The following ADH4 variants were observed in gnomAD, a reference collection of about 807,000 sequenced individuals.
ADH4 encodes all-trans-retinol dehydrogenase [NAD(+)] ADH4.
Under a neutral mutation model 35.2 loss-of-function variants are expected in ADH4, and 31 were observed. The observed-to-expected ratio is 0.88, with a 90% CI of 0.66 to 1.19. The LOEUF is 1.19. ADH4 is among the 50% of genes most tolerant of loss of function. The pLI is 0.00. For synonymous variants in ADH4, 171 were observed against 160.2 expected, an observed-to-expected ratio of 1.07 and a Z score of -0.51; for missense variants, 476 against 458.3, an observed-to-expected ratio of 1.04 and a Z score of -0.35.
At chr4:99,138,906 T>C (rs573335292) in intron 4 of ADH4, among the ~76,000 whole-genome samples, 155 bp downstream of exon 4, 32 of 152,338 alleles carry the variant, frequency 2.1e-4, no homozygotes, top group African/African-American at 7.7e-4. Context: ...CACATGTTTC[T>C]TTGTGTGCAC....
intron 2 of ADH4, 113 bp downstream of exon 2, chr4:99,142,566 C>G: frequency 2.0e-6 from 1 of 488,932 alleles, no homozygotes; most frequent in Non-Finnish European, 3.5e-6. Flanking sequence ...TACAGCTTCC[C>G]TGTACTAGAA....
At chr4:99,130,496 T>C (rs1729238871) in intron 6 of ADH4, among the ~76,000 whole-genome samples, 1 of 152,194 alleles carries the variant, frequency 6.6e-6, no homozygotes, top group Admixed American at 6.6e-5. Flanking sequence ...AGAAACTTTC[T>C]ATAGAAGCTT....
At position 99,141,567 on chromosome 4, in the gene ADH4, CCAATACTTTCCA is replaced by C; in HGVS notation, c.224_235del (p.Val75_Ile78del). On this transcript the variant is annotated inframe_deletion, in exon 3 of 9. Coordinates refer to ENST00000265512, the MANE Select transcript of ADH4 (RefSeq NM_000670.5). ...TGGTTTGACGTTGGTCACTCCTGGC[CCAATACTTTCCA>C]CAATACCTGCAGCCTCATGGCCAAC... The C allele has an allele frequency of 1.2e-6, 2 of 1,613,982 alleles. No individual in the cohort carries two copies. Among genetic ancestry groups the C allele is most frequent in the African/African-American group, 1.3e-5 (1 of 75,020 alleles).
intron 4 of ADH4, among the ~76,000 whole-genome samples, chr4:99,138,467 C>T (rs551009015): frequency 2.6e-5 from 4 of 152,192 alleles, no homozygotes; most frequent in Non-Finnish European, 4.4e-5. Flanking sequence ...GCCATACTGC[C>T]GGGGTTAAAA....
At chr4:99,128,830 C>T (rs1177682805) in intron 6 of ADH4, among the ~76,000 whole-genome samples, 1 of 151,240 alleles carries the variant, frequency 6.6e-6, no homozygotes, top group African/African-American at 2.4e-5. Context: ...GAGGCAGTCT[C>T]ACTCTGTTGC....
intron 8 of ADH4, among the ~76,000 whole-genome samples, chr4:99,124,969 C>G (rs1038281944): frequency 6.6e-6 from 1 of 152,184 alleles, no homozygotes; most frequent in Admixed American, 6.5e-5. Flanking sequence ...TCAAACATTA[C>G]TGCTGGAACT....
intron 5 of ADH4, among the ~76,000 whole-genome samples, chr4:99,134,913 G>A (rs1729390041): frequency 6.6e-6 from 1 of 150,996 alleles, no homozygotes; most frequent in South Asian, 2.1e-4. Context: ...TGATAAGAAG[G>A]ACTTTCTGGA....
At chr4:99,142,820 G>C (rs1579406854) in intron 1 of ADH4, 40 bp from the exon 2 acceptor site, 4 of 1,506,304 alleles carry the variant, frequency 2.7e-6, no homozygotes, top group Non-Finnish European at 3.6e-6. Flanking sequence ...GATAGAGATA[G>C]AGATTTTGAC....
chr4:99,133,535 C>T (rs921279316), intron 5 of ADH4: 1 of 152,188 alleles, frequency 6.6e-6, no homozygotes, highest in Non-Finnish European at 1.5e-5. Context: ...ACTTCACTTT[C>T]CTTAATTTCT....
intron 4 of ADH4, 77 bp from the exon 5 acceptor site, chr4:99,136,774 A>G (rs1729448589): frequency 5.4e-6 from 5 of 919,036 alleles, no homozygotes; most frequent in Admixed American, 2.5e-5. Flanking sequence ...TTCCTACAAA[A>G]TATGTTGAGC....
intron 8 of ADH4, among the ~76,000 whole-genome samples, chr4:99,125,148 C>G (rs575271117): frequency 1.3e-5 from 2 of 152,204 alleles, no homozygotes; most frequent in Admixed American, 6.5e-5. Flanking sequence ...CCCCATCCCC[C>G]CACTTCCTTG....
Position 99,127,343 on chromosome 4 carries a change from T to C in ADH4, c.845A>G (p.Lys282Arg). The C allele has an allele frequency of 6.3e-7, 1 of 1,588,480 alleles. No individual in the cohort carries two copies. Among genetic ancestry groups the C allele is most frequent in the Non-Finnish European group, 8.6e-7 (1 of 1,169,162 alleles). Reference sequence around the variant, plus strand: ...TGCGGTTGTACAGTCCAGGGCTGCTTTCTGTGATGGAGCATAAAAGAATAC... The same window carrying C: ...TGCGGTTGTACAGTCCAGGGCTGCTCTCTGTGATGGAGCATAAAAGAATAC... ...LDCAGGSETM[K>R]AALDCTTAGW... The change falls in exon 7 of 9, where the codon AAA becomes AGA. Residue 282 changes from lysine (K) to arginine (R), a missense_variant and splice_region_variant. By Grantham distance (26) the Lys-to-Arg change is conservative (BLOSUM62 2). Coordinates refer to ENST00000265512, the MANE Select transcript of ADH4 (RefSeq NM_000670.5).
At chr4:99,131,809 C>T in intron 5 of ADH4, 45 bp from the exon 6 acceptor site, 1 of 1,574,714 alleles carries the variant, frequency 6.4e-7, no homozygotes, top group Middle Eastern at 1.7e-4. Flanking sequence ...GCAGCCAGTC[C>T]CACTTTTTTT....
chr4:99,144,144 G>A, intron 1 of ADH4, 61 bp downstream of exon 1: 1 of 1,590,600 alleles, frequency 6.3e-7, no homozygotes, highest in Non-Finnish European at 8.6e-7. Context: ...GCTCCTTTTA[G>A]CCAAACATAC....
chr4:99,133,387 A>G (rs1002832122), intron 5 of ADH4, among the ~76,000 whole-genome samples: 2 of 152,208 alleles, frequency 1.3e-5, no homozygotes, highest in Non-Finnish European at 2.9e-5. Flanking sequence ...TAAAGGATAC[A>G]AGCACATCAA....
At position 99,139,243 on chromosome 4, in the gene ADH4, A is replaced by G. The variant is rs1290766134; in HGVS notation, c.263-95T>C. 1.7e-5 allele frequency: 13 copies of G among 747,726 alleles called. No individual in the cohort carries two copies. The South Asian group carries it at 1.9e-4, about 11-fold the overall frequency. The allele number at this position is 747,726 out of a possible 1,614,324, so 46.3% of individuals were successfully genotyped here. A position where few individuals can be genotyped will look rare whatever the true frequency, so the allele number is the denominator to read the frequency against. On this transcript the variant is annotated intron_variant, in intron 3 of 8. Coordinates refer to ENST00000265512, the MANE Select transcript of ADH4 (RefSeq NM_000670.5). ...GGAAAACACCTTTTCTTTATAGTAT[A>G]CATTTTATATTCAGTGGAAAGTATA...
chr4:99,131,846 G>A (rs2110495538), intron 5 of ADH4, 82 bp from the exon 6 acceptor site: 1 of 1,432,988 alleles, frequency 7.0e-7, no homozygotes, highest in Non-Finnish European at 9.3e-7. Flanking sequence ...GGAAGTGGGG[G>A]CATGAACATA....
intron 2 of ADH4, 39 bp from the exon 3 acceptor site, chr4:99,141,721 C>A: frequency 6.3e-7 from 1 of 1,594,800 alleles, no homozygotes; most frequent in Non-Finnish European, 8.6e-7. Context: ...GTTTCTGCAA[C>A]TATATTATTG....
chr4:99,127,805 C>A, intron 6 of ADH4, among the ~76,000 whole-genome samples: 1 of 150,196 alleles, frequency 6.7e-6, no homozygotes. Flanking sequence ...GCACTGCAGC[C>A]TGGGTCACAG....
Sources: allele counts gnomAD v4.1 joint callset (sites outside exome capture counted in the v4.1 genomes callset), GRCh38; gene constraint gnomAD v4.1.1; transcripts MANE v1.5; gene names NCBI Gene and HGNC (gene_info 2026-07-23, HGNC 2026-07-21).